The following KCTD14 variants were observed in gnomAD, a reference collection of about 807,000 sequenced individuals.
The protein encoded by KCTD14 is BTB/POZ domain-containing protein KCTD14.
A neutral mutation model predicts 5.9 loss-of-function variants in KCTD14; 7 were observed. The observed-to-expected ratio is 1.19, with a 90% confidence interval of 0.68 to 2.23. KCTD14 has a LOEUF of 2.23. Among genes scored for constraint, KCTD14 ranks in the 30% most tolerant of loss-of-function variants. The probability of loss-of-function intolerance (pLI) is 0.00; values close to 1 mark genes in which losing one functional copy is unlikely to be tolerated. For missense variants in KCTD14, 342 were observed against 332.2 expected (o/e 1.03, Z -0.23); for synonymous variants, 140 against 133.1 (o/e 1.05, Z -0.36).
upstream of KCTD14, among the ~76,000 whole-genome samples, chr11:78,024,098 G>A (rs10793270): frequency 0.74 from 112,990 of 152,044 alleles, 42,813 homozygotes; most frequent in Non-Finnish European, 0.81. Flanking sequence ...AAGATATTTT[G>A]TTGGGGACAG....
At chr11:78,044,289 G>A (rs1238706830) in intron 1 of KCTD14, among the ~76,000 whole-genome samples, 1 of 152,092 alleles carries the variant, frequency 6.6e-6, no homozygotes, top group Admixed American at 6.6e-5. Context: ...GGTGTGGAGG[G>A]GCTGCTAGGA....
rs558543556 is a variant in KCTD14 at position 78,040,354 on chromosome 11, C to T, written c.-95-1596G>A. Among the ~76,000 whole-genome samples the T allele has an allele frequency of 5.9e-3, 895 of 151,982 alleles. 4 individuals carry two copies. The highest frequency in any genetic ancestry group is 9.3e-3 in the Non-Finnish European group (630 of 67,990). On this transcript the variant is annotated intron_variant, in intron 1 of 2. Coordinates refer to the KCTD14 transcript ENST00000533144. ...CCTTGTCTCTTTTCTTTCTTTCTTT[C>T]TTCTTTTTTTCCTTTCTGTTTCCTC...
At chr11:78,040,159 G>A (rs1415717497) in intron 1 of KCTD14, among the ~76,000 whole-genome samples, 1 of 152,188 alleles carries the variant, frequency 6.6e-6, no homozygotes, top group Non-Finnish European at 1.5e-5. Flanking sequence ...AACCAGAGCT[G>A]GCCGCTGGCC....
chr11:78,039,745 CA>C (rs35580468), intron 1 of KCTD14, among the ~76,000 whole-genome samples: 83,975 of 138,674 alleles, frequency 0.61, 24,776 homozygotes, highest in Non-Finnish European at 0.67. Flanking sequence ...GACCCTGTCT[CA>C]AAAAAAAAAA....
chr11:78,028,887 C>A (rs762249024), intron 2 of KCTD14, among the ~76,000 whole-genome samples: 38 of 152,042 alleles, frequency 2.5e-4, no homozygotes, highest in Non-Finnish European at 4.9e-4. Flanking sequence ...AGAGACAAAC[C>A]AGGTTATTAA....
intron 1 of KCTD14, 117 bp downstream of exon 1, chr11:78,023,043 G>C: frequency 1.4e-6 from 1 of 692,240 alleles, no homozygotes; most frequent in Non-Finnish European, 2.4e-6. Context: ...CAGCGCGCCA[G>C]AAGCAGGGGG....
In KCTD14 at chr11:78,044,148, A is replaced by T. The variant is rs371486356; in HGVS notation, c.-96+1913T>A. On this transcript the variant is annotated intron_variant, in intron 1 of 2. Coordinates refer to the KCTD14 transcript ENST00000533144. ...TCCCTCAGCCTGTTCCCCAGCCCACACCCCAAAACAGGGAGTAGAGGGCGC... is the reference window on the plus strand; with the variant it reads ...TCCCTCAGCCTGTTCCCCAGCCCACTCCCCAAAACAGGGAGTAGAGGGCGC... Among the ~76,000 whole-genome samples, 4 of 152,102 alleles carry T rather than the reference A, an allele frequency of 2.6e-5. No homozygotes were observed. The East Asian group carries it at 5.8e-4, about 22-fold the overall frequency.
intron 1 of KCTD14, among the ~76,000 whole-genome samples, chr11:78,018,911 T>C (rs1254919973): frequency 6.6e-6 from 1 of 152,236 alleles, no homozygotes; most frequent in Non-Finnish European, 1.5e-5. Context: ...ATTTACTATG[T>C]ATCCACATCC....
chr11:78,037,610 ACTGCCTCCAG>A (rs1412249739), intron 2 of KCTD14, among the ~76,000 whole-genome samples: 2 of 152,092 alleles, frequency 1.3e-5, no homozygotes, highest in African/African-American at 4.8e-5. Flanking sequence ...CTTTAAAATC[ACTGCCTCCAG>A]CCAGCCTGGC....
chr11:78,018,599 C>T (rs529927807), intron 1 of KCTD14, among the ~76,000 whole-genome samples: 2 of 151,484 alleles, frequency 1.3e-5, no homozygotes, highest in African/African-American at 4.8e-5. Flanking sequence ...CCCAGCTGCT[C>T]GGGAGGCTGA....
intron 2 of KCTD14, among the ~76,000 whole-genome samples, chr11:78,030,294 T>C (rs186305408): frequency 1.1e-4 from 17 of 152,286 alleles, no homozygotes; most frequent in Admixed American, 3.3e-4. Flanking sequence ...CTCCATTTTC[T>C]ATATGAGGAC....
chr11:78,038,036 C>T (rs992317074), intron 2 of KCTD14, among the ~76,000 whole-genome samples: 1 of 151,098 alleles, frequency 6.6e-6, no homozygotes, highest in Non-Finnish European at 1.5e-5. Context: ...TTGCCCCAGG[C>T]TTCCCCACCA....
intron 1 of KCTD14, 104 bp downstream of exon 1, chr11:78,023,056 C>T (rs1275573299): frequency 2.6e-6 from 2 of 770,008 alleles, no homozygotes; most frequent in East Asian, 2.8e-5. Context: ...GCAGGGGGCT[C>T]GGGCGTCTGG....
chr11:78,026,350 G>A (rs181906967), upstream of KCTD14, among the ~76,000 whole-genome samples: 2 of 151,958 alleles, frequency 1.3e-5, no homozygotes, highest in Non-Finnish European at 2.9e-5. Flanking sequence ...GGCTGAGGCA[G>A]GAAAATCACT....
chr11:78,023,913 C>T (rs1377921698), upstream of KCTD14, among the ~76,000 whole-genome samples: 1 of 152,010 alleles, frequency 6.6e-6, no homozygotes, highest in African/African-American at 2.4e-5. Context: ...AGAAAACTGG[C>T]GCTCTAGGAG....
chr11:78,028,385 A>C (rs1302641003), intron 2 of KCTD14, among the ~76,000 whole-genome samples: 1 of 152,124 alleles, frequency 6.6e-6, no homozygotes, highest in African/African-American at 2.4e-5. Flanking sequence ...CGGGTGGATC[A>C]TGAGGTCAAG....
rs772128375 is a variant in KCTD14, at chr11:78,016,866, C to G, written c.495G>C (p.Lys165Asn). The G allele has an allele frequency of 6.2e-7, 1 of 1,614,252 alleles. No individual in the cohort carries two copies. The highest frequency in any genetic ancestry group is 2.2e-5 in the East Asian group (1 of 44,888). The change falls in exon 2 of 2, where the codon AAG (lysine) becomes AAC (asparagine). Residue 165 changes from lysine (K) to asparagine (N), a missense_variant. By Grantham distance (94) the Lys-to-Asn change is moderately conservative (BLOSUM62 0). Transcript: ENST00000353172. ...CCACCAGGCACACAAGCACGCTGGACTTCCGTGCTGTTATGGCTTCTGCAC... is the reference window on the plus strand; with the variant it reads ...CCACCAGGCACACAAGCACGCTGGAGTTCCGTGCTGTTATGGCTTCTGCAC... ...LARAEAITARKSSVLVCLVET... is the reference protein window; with the variant it reads ...LARAEAITARNSSVLVCLVET...
chr11:78,037,246 T>C (rs1376191543), intron 2 of KCTD14, among the ~76,000 whole-genome samples: 3 of 152,236 alleles, frequency 2.0e-5, no homozygotes, highest in African/African-American at 2.4e-5. Context: ...TCAGACCTCG[T>C]GGGCACACGC....
chr11:78,033,026 G>A (rs936094602), intron 2 of KCTD14, among the ~76,000 whole-genome samples: 1 of 152,038 alleles, frequency 6.6e-6, no homozygotes, highest in African/African-American at 2.4e-5. Context: ...CAGACCTGGG[G>A]CCTCAGTGTC....
Sources: allele counts gnomAD v4.1 joint callset (sites outside exome capture counted in the v4.1 genomes callset), GRCh38; gene constraint gnomAD v4.1.1; transcripts MANE v1.5; gene names NCBI Gene and HGNC (gene_info 2026-07-23, HGNC 2026-07-21).